Variants in MRPL44 observed in about 807,000 individuals in gnomAD.
MRPL44 encodes large ribosomal subunit protein mL44.
In MRPL44, 21 loss-of-function variants were observed where a neutral mutation model predicts 25.9. The ratio of observed to expected loss-of-function variants is 0.81; its 90% confidence interval spans 0.58 to 1.17. MRPL44 has a LOEUF of 1.17. MRPL44 is among the 50% of genes most tolerant of loss of function. The probability of loss-of-function intolerance (pLI) is 0.00; values close to 1 mark genes in which losing one functional copy is unlikely to be tolerated. For synonymous variants in MRPL44, 169 were observed against 151.0 expected, an observed-to-expected ratio of 1.12 and a Z score of -0.87; for missense variants, 410 against 398.9, an observed-to-expected ratio of 1.03 and a Z score of -0.24.
chr2:223,951,478 G>GTTTTTTTTTGTTTTTTTT, the MRPL44 span, among the ~76,000 whole-genome samples: 80 of 112,516 alleles, frequency 7.1e-4, no homozygotes, highest in East Asian at 0.011. Context: ...TTACCTTGGA[G>GTTTTTTTTTGTTTTTTTT]TTTTTTTTTT....
rs1196873709 is a variant in MRPL44, at chr2:223,963,747, T to C, written c.649-9T>C. The C allele has an allele frequency of 1.3e-6, 2 of 1,521,786 alleles. No homozygotes were observed. The highest frequency in any genetic ancestry group is 1.3e-5 in the South Asian group (1 of 77,168). The allele number at this position is 1,521,786 out of a possible 1,614,324, so 94.3% of individuals were successfully genotyped here. ...AATTAAAATGTATAAATTATATTTT[T>C]ATATGCAGGACTTCTTAATTACTCA... On this transcript the variant is annotated splice_polypyrimidine_tract_variant and intron_variant, in intron 2 of 3. Transcript: ENST00000258383.
chr2:223,959,834 C>T lies in MRPL44; in HGVS notation c.480C>T (p.Leu160=), dbSNP rs1487053349. 1 of 1,614,194 alleles carries T rather than the reference C, an allele frequency of 6.2e-7. No homozygotes were observed. Among genetic ancestry groups the T allele is most frequent in the Middle Eastern group, 1.6e-4 (1 of 6,062 alleles). ...TEGIKNLVDF[L]TGEEVVCHVA... is the part of the protein sequence containing the mutation. ...GCATAAAAAATCTTGTTGACTTTCT[C>T]ACTGGTGAGGAAGTCGTGTGTCACG... is the stretch of plus-strand genomic sequence containing the variant. Residue 160 remains leucine, a synonymous_variant, in exon 2 of 4, where the codon CTC becomes CTT. Coordinates refer to ENST00000258383, the MANE Select transcript of MRPL44 (RefSeq NM_022915.5).
chr2:223,963,509 A>C (rs140728611), intron 2 of MRPL44, among the ~76,000 whole-genome samples: 111 of 152,286 alleles, frequency 7.3e-4, no homozygotes, highest in Middle Eastern at 6.8e-3. Context: ...ATACTGCTTG[A>C]AATAGGTTTC....
chr2:223,962,160 GT>G (rs1042152662), intron 2 of MRPL44, among the ~76,000 whole-genome samples: 1 of 152,086 alleles, frequency 6.6e-6, no homozygotes, highest in African/African-American at 2.4e-5. Flanking sequence ...AGCCTCCCTA[GT>G]AGCTGGGACC....
chr2:223,951,482 T>TTTTTTTTGTTTTTTTTG, the MRPL44 span, among the ~76,000 whole-genome samples: 30 of 137,068 alleles, frequency 2.2e-4, no homozygotes, highest in African/African-American at 9.5e-4. Flanking sequence ...CTTGGAGTTT[T>TTTTTTTTGTTTTTTTTG]TTTTTTTTTT....
At chr2:223,961,200 A>C (rs886708288) in intron 2 of MRPL44, among the ~76,000 whole-genome samples, 2 of 152,246 alleles carry the variant, frequency 1.3e-5, no homozygotes, top group Non-Finnish European at 2.9e-5. Flanking sequence ...TAAGGTGCAG[A>C]GTGAACTTAG....
intron 2 of MRPL44, among the ~76,000 whole-genome samples, chr2:223,960,894 A>T (rs1689649083): frequency 6.6e-6 from 1 of 152,222 alleles, no homozygotes; most frequent in South Asian, 2.1e-4. Flanking sequence ...GTAGTCATGA[A>T]ACTATGTTGG....
At position 223,959,939 on chromosome 2, in the gene MRPL44, C is replaced by G. The variant is rs1689631581; in HGVS notation, c.585C>G (p.Phe195Leu). 1.2e-6 allele frequency: 2 copies of G among 1,614,060 alleles called. No individual in the cohort carries two copies. Among genetic ancestry groups the G allele is most frequent in the Non-Finnish European group, 1.7e-6 (2 of 1,180,044 alleles). Residue 195 changes from phenylalanine (F) to leucine (L), a missense_variant, in exon 2 of 4, where the codon TTC (phenylalanine) becomes TTG (leucine). Phe to Leu is a conservative substitution (Grantham distance 22). Transcript: ENST00000258383. ...PVPPAVLQQT[F>L]FAVIGALLQS... Reference sequence around the variant, plus strand: ...CCCCAGCTGTGTTACAGCAGACTTTCTTTGCAGTTATTGGAGCCCTGTTAC... The same window carrying G: ...CCCCAGCTGTGTTACAGCAGACTTTGTTTGCAGTTATTGGAGCCCTGTTAC...
In MRPL44 at chr2:223,967,489, T is replaced by A. The variant is rs979730206; in HGVS notation, c.*455T>A. ...CTCAGGTGATCCACCCGCCTTGGCC[T>A]CCCAAAGTGCTGGGATTACAGGTGT... On this transcript the variant is annotated 3_prime_UTR_variant, in exon 4 of 4. Transcript: ENST00000258383. 6.5e-6 allele frequency: 1 copy of A among 153,256 alleles called. No individual in the cohort carries two copies. Among genetic ancestry groups the A allele is most frequent in the African/African-American group, 2.4e-5 (1 of 41,452 alleles). The allele number at this position is 153,256 out of a possible 1,614,324, so 9.5% of individuals were successfully genotyped here.
upstream of MRPL44, among the ~76,000 whole-genome samples, chr2:223,955,257 G>A (rs1689547090): frequency 6.6e-6 from 1 of 152,156 alleles, no homozygotes; most frequent in Non-Finnish European, 1.5e-5. Flanking sequence ...CTTTGGTGAA[G>A]ACTGATTCTA....
chr2:223,967,184 A>C lies in MRPL44; in HGVS notation c.*150A>C. 1.3e-6 allele frequency: 1 copy of C among 765,836 alleles called. No individual in the cohort carries two copies. The highest frequency in any genetic ancestry group is 2.0e-6 in the Non-Finnish European group (1 of 508,946). 47.4% of individuals were successfully genotyped at this position (765,836 alleles called of 1,614,324 possible). ...CCCAAAATTAAATAAGTGTTAACCA[A>C]GTCACAGTGTTTTTGGTTTTGTTTT... On this transcript the variant is annotated 3_prime_UTR_variant, in exon 4 of 4. Transcript: ENST00000258383.
intron 3 of MRPL44, 76 bp from the exon 4 acceptor site, chr2:223,966,787 A>C: frequency 7.6e-7 from 1 of 1,308,664 alleles, no homozygotes; most frequent in South Asian, 1.6e-5. Context: ...AGAAGGCATA[A>C]TTGCTTTATA....
chr2:223,955,562 A>C (rs1440170647), upstream of MRPL44, among the ~76,000 whole-genome samples: 3 of 152,194 alleles, frequency 2.0e-5, no homozygotes, highest in Non-Finnish European at 2.9e-5. Flanking sequence ...TATATAAGCA[A>C]TATCCCTGGC....
At chr2:223,954,837 G>A (rs937586930), upstream of MRPL44, among the ~76,000 whole-genome samples, 7 of 152,200 alleles carry the variant, frequency 4.6e-5, no homozygotes, top group African/African-American at 1.7e-4. Flanking sequence ...AGTACCAGGA[G>A]GTGGGGCTTG....
chr2:223,957,577 C>T lies in MRPL44; in HGVS notation c.105C>T (p.Phe35=), dbSNP rs141306066. The T allele has an allele frequency of 1.2e-6, 2 of 1,613,736 alleles. No homozygotes were observed. Among genetic ancestry groups the T allele is most frequent in the Admixed American group, 1.7e-5 (1 of 60,014 alleles). ...CGGTTCGGGGAGTGAAGAAGGGATT[C>T]CGCGCCGCCTTCCGCTTCCAGAAGG... ...VPPVRGVKKG[F]RAAFRFQKEL... Residue 35 remains phenylalanine, a synonymous_variant, in exon 1 of 4, where the codon TTC becomes TTT. Transcript: ENST00000258383.
intron 2 of MRPL44, among the ~76,000 whole-genome samples, chr2:223,963,022 A>G (rs939928181): frequency 1.3e-5 from 2 of 152,136 alleles, no homozygotes; most frequent in Non-Finnish European, 2.9e-5. Flanking sequence ...AAACATTATT[A>G]ATGGAGGAAG....
chr2:223,965,686 C>T (rs1301952755), intron 3 of MRPL44: 1 of 152,010 alleles, frequency 6.6e-6, no homozygotes, highest in East Asian at 1.9e-4. Flanking sequence ...ATAGAAATAC[C>T]AGTAAAGCAG....
At chr2:223,962,843 A>G (rs1689684638) in intron 2 of MRPL44, among the ~76,000 whole-genome samples, 1 of 152,004 alleles carries the variant, frequency 6.6e-6, no homozygotes, top group Admixed American at 6.6e-5. Flanking sequence ...CTGGGTTTAC[A>G]GGCGTGCAGC....
Position 223,959,516 on chromosome 2 carries a change from C to T in MRPL44, c.180-18C>T. On this transcript the variant is annotated intron_variant, in intron 1 of 3. Coordinates refer to ENST00000258383, the MANE Select transcript of MRPL44 (RefSeq NM_022915.5). ...AGGTTGTTCTCTTTACCATCTCTTACTGTCTTTACATTTTCAGTTCAGAGA... is the reference window on the plus strand; with the variant it reads ...AGGTTGTTCTCTTTACCATCTCTTATTGTCTTTACATTTTCAGTTCAGAGA... The T allele has an allele frequency of 6.3e-7, 1 of 1,575,294 alleles. No homozygotes were observed. The highest frequency in any genetic ancestry group is 8.6e-7 in the Non-Finnish European group (1 of 1,158,858).
Sources: gnomAD v4.1 joint callset for allele counts (sites outside exome capture counted in the v4.1 genomes callset) on GRCh38, gnomAD v4.1.1 for gene constraint, MANE v1.5 for transcripts, NCBI Gene and HGNC (gene_info 2026-07-23, HGNC 2026-07-21) for gene names.